Variants in INPP5J observed in about 807,000 individuals in gnomAD.
INPP5J encodes inositol polyphosphate-5-phosphatase J.
Under a neutral mutation model 86.6 loss-of-function variants are expected in INPP5J, and 75 were observed. That is an observed-to-expected ratio of 0.87 (90% CI 0.72 to 1.05). The LOEUF is 1.05. Ranked by LOEUF, INPP5J falls within the 50% of genes least tolerant of loss-of-function variation. The pLI is 0.00. For missense variants in INPP5J, 1,229 were observed against 1,341.2 expected (o/e 0.92, Z 1.31); for synonymous variants, 540 against 550.0 (o/e 0.98, Z 0.25).
In INPP5J at chr22:31,133,929, C is replaced by T. The variant is rs779793967; in HGVS notation, c.2531C>T (p.Ser844Leu). The change falls in exon 13 of 13, where the codon TCG (serine) becomes TTG (leucine). Residue 844 changes from serine to leucine, a missense_variant. By Grantham distance (145) the Ser-to-Leu change is moderately radical. Transcript: ENST00000331075. ...TEPFQISLPS[S>L]ELASSSTDSS... Reference sequence around the variant, plus strand: ...TTCCCCCAGATCTCGCTGCCTTCCTCGGAGTTGGCCAGCAGCAGCACAGAC... The same window carrying T: ...TTCCCCCAGATCTCGCTGCCTTCCTTGGAGTTGGCCAGCAGCAGCACAGAC... The T allele has an allele frequency of 7.4e-6, 12 of 1,611,302 alleles. No homozygotes were observed. Among genetic ancestry groups the T allele is most frequent in the South Asian group, 4.4e-5 (4 of 91,040 alleles).
At chr22:31,133,843 A>T in intron 12 of INPP5J, 70 bp from the exon 13 acceptor site, 1 of 1,597,520 alleles carries the variant, frequency 6.3e-7, no homozygotes. Flanking sequence ...AGAGAGGCAG[A>T]CCTCGGGAGG....
chr22:31,130,901 G>C (rs1922011091), intron 9 of INPP5J, among the ~76,000 whole-genome samples: 1 of 152,152 alleles, frequency 6.6e-6, no homozygotes, highest in Non-Finnish European at 1.5e-5. Context: ...GGCGGGATCT[G>C]AGGCTCCTCA....
At position 31,134,302 on chromosome 22, in the gene INPP5J, T is replaced by G; in HGVS notation, c.2904T>G (p.Thr968=). The G allele has an allele frequency of 6.4e-7, 1 of 1,555,138 alleles. No individual in the cohort carries two copies. The highest frequency in any genetic ancestry group is 8.7e-7 in the Non-Finnish European group (1 of 1,150,256). The change falls in exon 13 of 13, where the codon ACT becomes ACG. Residue 968 remains threonine (T), a synonymous_variant. Coordinates refer to ENST00000331075, the MANE Select transcript of INPP5J (RefSeq NM_001284285.2). The stretch of plus-strand genomic sequence containing the variant: ...TGTTGCCCGCCTTGCGCCTAGAGAC[T>G]GTAGACCCTGGTGGTGGTGGCTCCT... ...LGLLPALRLE[T]VDPGGGGSWG...
chr22:31,130,513 CAAA>C (rs753550517), intron 9 of INPP5J, among the ~76,000 whole-genome samples: 1 of 108,834 alleles, frequency 9.2e-6, no homozygotes. Flanking sequence ...GACCTTGTCT[CAAA>C]AAAAAAAAAA....
rs565966222 is a variant in INPP5J at position 31,125,344 on chromosome 22, C to A, written c.605C>A (p.Pro202His). ...EEQPPELPST[P>H]SPVPSPVLSP... is the part of the protein sequence containing the mutation. ...CAGCCCCCAGAACTCCCCTCCACCC[C>A]TTCCCCGGTGCCCAGTCCAGTTCTG... Residue 202 changes from proline to histidine, a missense_variant, in exon 2 of 13, where the codon CCT (proline) becomes CAT (histidine). By Grantham distance (77) the Pro-to-His change is moderately conservative. Transcript: ENST00000331075. 4 of 1,550,608 alleles carry A rather than the reference C, an allele frequency of 2.6e-6. No homozygotes were observed. In the East Asian group the frequency reaches 7.3e-5, roughly 28 times the overall value.
At chr22:31,127,568 G>A (rs751176960) in intron 6 of INPP5J, 36 bp downstream of exon 6, 2 of 1,586,716 alleles carry the variant, frequency 1.3e-6, no homozygotes, top group South Asian at 2.3e-5. Context: ...GAGCTTGGGT[G>A]GGGCTAGTGA....
chr22:31,127,094 T>C (rs903000456), intron 5 of INPP5J, 57 bp downstream of exon 5: 1 of 1,196,946 alleles, frequency 8.4e-7, no homozygotes, highest in Middle Eastern at 2.0e-4. Context: ...TTTAGATTAG[T>C]CCCCCCGCCC....
intron 10 of INPP5J, 56 bp from the exon 11 acceptor site, chr22:31,133,350 G>T: frequency 5.0e-6 from 8 of 1,599,974 alleles, no homozygotes; most frequent in East Asian, 2.2e-5. Context: ...CTGGGAGACT[G>T]CTGGGATCAG....
At chr22:31,126,886 G>A (rs1437375861) in intron 4 of INPP5J, 35 bp from the exon 5 acceptor site, 2 of 1,525,492 alleles carry the variant, frequency 1.3e-6, no homozygotes, top group Non-Finnish European at 1.8e-6. Context: ...GGGGAGTTGT[G>A]TTCTGTCCCC....
At position 31,134,687 on chromosome 22, in the gene INPP5J, C is replaced by A. The variant is rs967562363; in HGVS notation, c.*268C>A. On this transcript the variant is annotated 3_prime_UTR_variant, in exon 13 of 13. Coordinates refer to ENST00000331075, the MANE Select transcript of INPP5J (RefSeq NM_001284285.2). ...GAGGTCATCCATTAGGAATTAAATT[C>A]TCCAGCCTCACTCTCGGCTCTTTCC... 2 of 391,266 alleles carry A rather than the reference C, an allele frequency of 5.1e-6. No individual in the cohort carries two copies. The highest frequency in any genetic ancestry group is 9.0e-6 in the Non-Finnish European group (2 of 221,442). The allele number at this position is 391,266 out of a possible 1,614,324, so 24.2% of individuals were successfully genotyped here. A position where few individuals can be genotyped will look rare whatever the true frequency, so the allele number is the denominator to read the frequency against.
chr22:31,125,095 C>T lies in INPP5J; in HGVS notation c.356C>T (p.Ser119Leu). 5.8e-6 allele frequency: 9 copies of T among 1,549,818 alleles called. No homozygotes were observed. Among genetic ancestry groups the T allele is most frequent in the South Asian group, 1.2e-5 (1 of 84,076 alleles). The stretch of plus-strand genomic sequence containing the variant: ...GTGGGCCAGCTGGTGATGTCTGCCT[C>T]AGCTGGACCAAAGCCTCCCCCAGCG... ...TSVGQLVMSA[S>L]AGPKPPPATT... is the part of the protein sequence containing the mutation. Residue 119 changes from serine (S) to leucine (L), a missense_variant, in exon 2 of 13, where the codon TCA becomes TTA. Ser to Leu is a moderately radical substitution (Grantham distance 145, BLOSUM62 -2). Transcript: ENST00000331075.
rs1380725140 is a variant in INPP5J at position 31,133,909 on chromosome 22, C to T, written c.2515-4C>T. 1.2e-6 allele frequency: 2 copies of T among 1,609,374 alleles called. No homozygotes were observed. Among genetic ancestry groups the T allele is most frequent in the East Asian group, 2.2e-5 (1 of 44,806 alleles). ...GGCGCCCCAGTGACCAGCATTTCCCCCAGATCTCGCTGCCTTCCTCGGAGT... is the reference window on the plus strand; with the variant it reads ...GGCGCCCCAGTGACCAGCATTTCCCTCAGATCTCGCTGCCTTCCTCGGAGT... On this transcript the variant is annotated splice_polypyrimidine_tract_variant and splice_region_variant and intron_variant, in intron 12 of 12. Transcript: ENST00000331075.
In INPP5J at chr22:31,133,729, C is replaced by T; in HGVS notation, c.2514+15C>T. 1 of 1,598,382 alleles carries T rather than the reference C, an allele frequency of 6.3e-7. No homozygotes were observed. The highest frequency in any genetic ancestry group is 8.6e-7 in the Non-Finnish European group (1 of 1,167,616). On this transcript the variant is annotated intron_variant, in intron 12 of 12. Coordinates refer to ENST00000331075, the MANE Select transcript of INPP5J (RefSeq NM_001284285.2). ...AACCCTTCCAGGTAAGTAGGCCAGA[C>T]TGCTGGGCTGGGGGTGCCTAAAGAC...
chr22:31,124,761 T>C (rs758492857), intron 1 of INPP5J, 84 bp from the exon 2 acceptor site: 2 of 1,184,484 alleles, frequency 1.7e-6, no homozygotes, highest in South Asian at 1.5e-5. Context: ...CTTAGCTAGA[T>C]GAACTCTGCC....
Position 31,125,996 on chromosome 22 carries a change from C to T in INPP5J, c.1257C>T (p.Ser419=), listed in dbSNP as rs367650817. 7.4e-5 allele frequency: 117 copies of T among 1,573,388 alleles called. 2 individuals carry two copies. Among genetic ancestry groups the T allele is most frequent in the South Asian group, 4.9e-4 (43 of 88,074 alleles). Residue 419 remains serine (S), a synonymous_variant, in exon 2 of 13, where the codon AGC becomes AGT. Coordinates refer to ENST00000331075, the MANE Select transcript of INPP5J (RefSeq NM_001284285.2). ...GGTCAGCTCAGCCTACCTGGAAGAGCGACCCCGGCTTCCGGTGAGGGGGCC... is the reference window on the plus strand; with the variant it reads ...GGTCAGCTCAGCCTACCTGGAAGAGTGACCCCGGCTTCCGGTGAGGGGGCC... ...SPWSAQPTWK[S]DPGFRITVVT...
upstream of INPP5J, chr22:31,122,923 C>A: frequency 3.5e-6 from 3 of 862,328 alleles, no homozygotes; most frequent in Non-Finnish European, 5.0e-6. Context: ...AAATTCTCAG[C>A]AGGTTGAAAT....
intron 9 of INPP5J, among the ~76,000 whole-genome samples, chr22:31,132,848 T>A (rs931100979): frequency 3.3e-5 from 5 of 151,942 alleles, no homozygotes; most frequent in Non-Finnish European, 7.4e-5. Flanking sequence ...CAGAGCCAAA[T>A]CCAGGATTTG....
At position 31,134,575 on chromosome 22, in the gene INPP5J, T is replaced by C; in HGVS notation, c.*156T>C. Reference sequence around the variant, plus strand: ...ACTGGGGTCCCCCAAAACTCAGTCCTGGCACCTCAACTGTGACAATCAGCA... The same window carrying C: ...ACTGGGGTCCCCCAAAACTCAGTCCCGGCACCTCAACTGTGACAATCAGCA... On this transcript the variant is annotated 3_prime_UTR_variant, in exon 13 of 13. Coordinates refer to ENST00000331075, the MANE Select transcript of INPP5J (RefSeq NM_001284285.2). The C allele has an allele frequency of 1.5e-6, 1 of 673,504 alleles. No homozygotes were observed. Among genetic ancestry groups the C allele is most frequent in the Non-Finnish European group, 2.2e-6 (1 of 447,528 alleles). 41.7% of individuals were successfully genotyped at this position (673,504 alleles called of 1,614,324 possible). A position where few individuals can be genotyped will look rare whatever the true frequency, so the allele number is the denominator to read the frequency against.
chr22:31,133,242 G>T lies in INPP5J; in HGVS notation c.2331+7G>T. 6.2e-7 allele frequency: 1 copy of T among 1,606,162 alleles called. No homozygotes were observed. ...CTGGATCGGCTTATACCGGGTGAGA[G>T]GGGCAGTGGTGGTCAGCGACTCAGG... On this transcript the variant is annotated splice_region_variant and intron_variant, in intron 10 of 12. Coordinates refer to ENST00000331075, the MANE Select transcript of INPP5J (RefSeq NM_001284285.2).
Sources: gnomAD v4.1 joint callset for allele counts (sites outside exome capture counted in the v4.1 genomes callset) on GRCh38, gnomAD v4.1.1 for gene constraint, MANE v1.5 for transcripts, NCBI Gene and HGNC (gene_info 2026-07-23, HGNC 2026-07-21) for gene names.